Variants in MAF observed in about 807,000 individuals in gnomAD.
The protein encoded by MAF is transcription factor Maf.
Under a neutral mutation model 22.0 loss-of-function variants are expected in MAF, and 10 were observed. That is an observed-to-expected ratio of 0.45 (90% CI 0.28 to 0.77). The LOEUF (loss-of-function observed/expected upper bound fraction) is 0.77. MAF is among the 30% of genes least tolerant of loss of function. MAF has a pLI of 0.12. For synonymous variants in MAF, 337 were observed against 255.8 expected (o/e 1.32, Z -3.03); for missense variants, 544 against 548.4 (o/e 0.99, Z 0.08).
the MAF span, among the ~76,000 whole-genome samples, chr16:79,412,614 A>G: frequency 3.9e-5 from 6 of 152,186 alleles, no homozygotes; most frequent in African/African-American, 1.2e-4. Context: ...AAGTTGTGGC[A>G]GTTGCGCCCA....
the MAF span, among the ~76,000 whole-genome samples, chr16:79,467,297 G>C: frequency 6.6e-6 from 1 of 152,032 alleles, no homozygotes; most frequent in Non-Finnish European, 1.5e-5. Flanking sequence ...CAATCATACA[G>C]TCACCCTTAC....
chr16:79,473,279 G>A, the MAF span, among the ~76,000 whole-genome samples: 14 of 152,222 alleles, frequency 9.2e-5, no homozygotes, highest in East Asian at 2.1e-3. Flanking sequence ...GGAATGAATG[G>A]AGGAACTCTC....
At chr16:79,587,548 T>C (rs998437868) in intron 1 of MAF, among the ~76,000 whole-genome samples, 1 of 152,208 alleles carries the variant, frequency 6.6e-6, no homozygotes, top group Admixed American at 6.5e-5. Context: ...TGCAAACATA[T>C]GTTAAGCTTC....
At chr16:79,416,134 C>G in the MAF span, among the ~76,000 whole-genome samples, 2 of 152,090 alleles carry the variant, frequency 1.3e-5, no homozygotes, top group African/African-American at 4.8e-5. Flanking sequence ...TAAGCTGCCA[C>G]CCGCGGCACA....
At chr16:79,235,436 C>A in the MAF span, among the ~76,000 whole-genome samples, 1 of 151,968 alleles carries the variant, frequency 6.6e-6, no homozygotes, top group East Asian at 1.9e-4. Flanking sequence ...GTGGCACACG[C>A]CTGTAGTCCC....
chr16:79,286,067 G>T, the MAF span, among the ~76,000 whole-genome samples: 1 of 152,164 alleles, frequency 6.6e-6, no homozygotes, highest in East Asian at 1.9e-4. Flanking sequence ...TACCTAATAA[G>T]TTTATTGAGA....
At chr16:79,243,393 GA>G in the MAF span, among the ~76,000 whole-genome samples, 10 of 151,918 alleles carry the variant, frequency 6.6e-5, no homozygotes, top group Non-Finnish European at 1.5e-4. Flanking sequence ...TATCGCCACT[GA>G]TCCCACAGAA....
the MAF span, among the ~76,000 whole-genome samples, chr16:79,249,672 T>A: frequency 6.6e-6 from 1 of 152,182 alleles, no homozygotes; most frequent in East Asian, 1.9e-4. Context: ...TTTAGATAAT[T>A]AAATCTCCCT....
the MAF span, among the ~76,000 whole-genome samples, chr16:79,371,817 A>G: frequency 7.9e-5 from 12 of 152,344 alleles, no homozygotes; most frequent in African/African-American, 2.9e-4. Context: ...TAGAGATTGA[A>G]AGAATCAGCA....
At chr16:79,554,590 G>T in the MAF span, among the ~76,000 whole-genome samples, 1 of 152,070 alleles carries the variant, frequency 6.6e-6, no homozygotes, top group Non-Finnish European at 1.5e-5. Flanking sequence ...AACAAGTGAG[G>T]GCCCCTTTGT....
the MAF span, among the ~76,000 whole-genome samples, chr16:79,577,434 A>G: frequency 6.6e-6 from 1 of 152,172 alleles, no homozygotes; most frequent in Non-Finnish European, 1.5e-5. Context: ...TTTGTGCCTG[A>G]GTCTCCTAAT....
At chr16:79,519,774 T>C in the MAF span, among the ~76,000 whole-genome samples, 2 of 152,254 alleles carry the variant, frequency 1.3e-5, no homozygotes, top group Non-Finnish European at 2.9e-5. Context: ...CTGAGCGTCC[T>C]CTGAACCCTG....
At chr16:79,288,095 G>A in the MAF span, among the ~76,000 whole-genome samples, 1 of 152,094 alleles carries the variant, frequency 6.6e-6, no homozygotes, top group African/African-American at 2.4e-5. Context: ...GCATTGGAGG[G>A]AGGGCAGAGG....
the MAF span, among the ~76,000 whole-genome samples, chr16:79,404,332 T>C: frequency 2.6e-5 from 4 of 151,908 alleles, no homozygotes; most frequent in Non-Finnish European, 5.9e-5. Context: ...CCGTGCTAAT[T>C]TTTGTATTTT....
At chr16:79,393,946 C>G in the MAF span, among the ~76,000 whole-genome samples, 4 of 152,194 alleles carry the variant, frequency 2.6e-5, no homozygotes, top group Admixed American at 6.5e-5. Flanking sequence ...GTGCCAGGTA[C>G]AGTGCAAAGA....
At chr16:79,430,926 G>C in the MAF span, among the ~76,000 whole-genome samples, 1 of 152,280 alleles carries the variant, frequency 6.6e-6, no homozygotes, top group East Asian at 1.9e-4. Flanking sequence ...ACTTGGGTTG[G>C]GGCAGTGGGG....
At chr16:79,583,526 G>C (rs1475976830), downstream of MAF, among the ~76,000 whole-genome samples, 2 of 152,322 alleles carry the variant, frequency 1.3e-5, no homozygotes, top group South Asian at 2.1e-4. Flanking sequence ...AGGTCTGGTT[G>C]CATCCGGATG....
At chr16:79,373,806 C>G in the MAF span, among the ~76,000 whole-genome samples, 1 of 152,096 alleles carries the variant, frequency 6.6e-6, no homozygotes. Context: ...AGATGCAGTC[C>G]CTTGACCTTG....
the MAF span, among the ~76,000 whole-genome samples, chr16:79,330,953 T>C: frequency 6.6e-6 from 1 of 152,156 alleles, no homozygotes; most frequent in South Asian, 2.1e-4. Context: ...ACCCCGGACA[T>C]GAAGGCCAAC....
Sources: gnomAD v4.1 joint callset for allele counts (sites outside exome capture counted in the v4.1 genomes callset) on GRCh38, gnomAD v4.1.1 for gene constraint, MANE v1.5 for transcripts, NCBI Gene and HGNC (gene_info 2026-07-23, HGNC 2026-07-21) for gene names.